The following ZNF652 variants were observed in gnomAD, a reference collection of about 807,000 sequenced individuals.
ZNF652 encodes the protein zinc finger protein 652.
Under a neutral mutation model 45.2 loss-of-function variants are expected in ZNF652, and 16 were observed. The ratio of observed to expected loss-of-function variants is 0.35; its 90% CI spans 0.24 to 0.54. The LOEUF is 0.54. Ranked by LOEUF, ZNF652 falls within the 20% of genes least tolerant of loss-of-function variation. ZNF652 has a pLI of 0.91. For missense variants in ZNF652, 614 were observed against 765.6 expected, an observed-to-expected ratio of 0.80 and a Z score of 2.34; for synonymous variants, 250 against 260.6, an observed-to-expected ratio of 0.96 and a Z score of 0.39.
At chr17:49,343,122 T>G (rs963185936) in intron 1 of ZNF652, among the ~76,000 whole-genome samples, 1 of 152,174 alleles carries the variant, frequency 6.6e-6, no homozygotes, top group African/African-American at 2.4e-5. Flanking sequence ...CCTCAAGAGA[T>G]CCACCTGCCT....
At chr17:49,354,667 T>C (rs2070316786) in intron 1 of ZNF652, among the ~76,000 whole-genome samples, 1 of 151,890 alleles carries the variant, frequency 6.6e-6, no homozygotes, top group Non-Finnish European at 1.5e-5. Context: ...TAAAACTTAT[T>C]CTAAAATCTT....
In ZNF652 at chr17:49,309,509, GA is replaced by G. The variant is rs528221593; in HGVS notation, c.1309+1802del. Among the ~76,000 whole-genome samples the G allele has an allele frequency of 4.8e-3, 634 of 132,256 alleles. 1 individual carries two copies. The highest frequency in any genetic ancestry group is 7.8e-3 in the Non-Finnish European group (480 of 61,442). 86.8% of individuals were successfully genotyped at this position (132,256 alleles called of 152,430 possible). Reference sequence around the variant, plus strand: ...GGTGACGGAGCAAGACTCCATCTCGGAAAAAAAAAAAAAGAAAGAAAACCAA... The same window carrying G: ...GGTGACGGAGCAAGACTCCATCTCGGAAAAAAAAAAAAGAAAGAAAACCAA... On this transcript the variant is annotated intron_variant, in intron 5 of 5. Transcript: ENST00000430262.
intron 1 of ZNF652, among the ~76,000 whole-genome samples, chr17:49,326,799 G>A (rs2069960613): frequency 6.6e-6 from 1 of 152,016 alleles, no homozygotes; most frequent in South Asian, 2.1e-4. Context: ...CTGTATTGGG[G>A]GCAGCAGATC....
chr17:49,312,890 TG>T (rs1567920014), intron 2 of ZNF652, 45 bp from the exon 3 acceptor site: 1 of 1,580,978 alleles, frequency 6.3e-7, no homozygotes, highest in Non-Finnish European at 8.6e-7. Flanking sequence ...GCTTACAGCA[TG>T]CCATACCAGC....
chr17:49,345,826 G>C (rs1287131806), intron 1 of ZNF652, among the ~76,000 whole-genome samples: 1 of 143,922 alleles, frequency 6.9e-6, no homozygotes, highest in Non-Finnish European at 1.5e-5. Flanking sequence ...GGGCGAAAGA[G>C]CGAGACTCCA....
At chr17:49,300,322 A>T (rs1169118853) in intron 5 of ZNF652, among the ~76,000 whole-genome samples, 3 of 152,106 alleles carry the variant, frequency 2.0e-5, no homozygotes, top group Non-Finnish European at 4.4e-5. Context: ...GGGTGTAGGG[A>T]GGGTGTTGGG....
intron 4 of ZNF652, 146 bp downstream of exon 4, chr17:49,311,781 C>T (rs967319985): frequency 4.6e-6 from 3 of 648,090 alleles, no homozygotes; most frequent in East Asian, 2.7e-5. Context: ...GCAGTGACAG[C>T]GCACACAGAG....
rs1288663006 is a variant in ZNF652, at chr17:49,289,505, G to A, written c.*8908C>T. On this transcript the variant is annotated 3_prime_UTR_variant, in exon 6 of 6. Transcript: ENST00000430262. ...CACAAGGGGGAAATCAGTACATTGA[G>A]GGATCTGACAGGATGCTGGAAAAAA... The A allele has an allele frequency of 6.6e-6, 1 of 152,220 alleles. No homozygotes were observed. The highest frequency in any genetic ancestry group is 1.5e-5 in the Non-Finnish European group (1 of 68,042). The allele number at this position is 152,220 out of a possible 1,614,324, so 9.4% of individuals were successfully genotyped here.
intron 4 of ZNF652, 62 bp from the exon 5 acceptor site, chr17:49,311,518 C>T: frequency 6.5e-7 from 1 of 1,540,340 alleles, no homozygotes; most frequent in Non-Finnish European, 8.8e-7. Flanking sequence ...TGAGCCCACC[C>T]TAACACAGTC....
intron 1 of ZNF652, among the ~76,000 whole-genome samples, chr17:49,324,363 A>C (rs1372092854): frequency 6.6e-6 from 1 of 152,078 alleles, no homozygotes. Context: ...AACCTTCTCC[A>C]TCTCAGCAAT....
At chr17:49,349,948 T>G in intron 1 of ZNF652, among the ~76,000 whole-genome samples, 1 of 152,186 alleles carries the variant, frequency 6.6e-6, no homozygotes, top group Non-Finnish European at 1.5e-5. Context: ...AGTATATATA[T>G]GTGTACAATC....
At chr17:49,360,141 T>C (rs2070377641) in intron 1 of ZNF652, among the ~76,000 whole-genome samples, 1 of 152,216 alleles carries the variant, frequency 6.6e-6, no homozygotes, top group African/African-American at 2.4e-5. Flanking sequence ...AACGAGGAAA[T>C]GATAATTTAC....
chr17:49,345,225 C>CA (rs2070192115), intron 1 of ZNF652, among the ~76,000 whole-genome samples: 1 of 138,606 alleles, frequency 7.2e-6, no homozygotes, highest in Admixed American at 7.6e-5. Flanking sequence ...TTTTTTGAGA[C>CA]AGAGTGTTGC....
In ZNF652 at chr17:49,312,761, A is replaced by G; in HGVS notation, c.985T>C (p.Phe329Leu). The G allele has an allele frequency of 6.2e-7, 1 of 1,614,142 alleles. No individual in the cohort carries two copies. The highest frequency in any genetic ancestry group is 8.5e-7 in the Non-Finnish European group (1 of 1,180,014). The change falls in exon 3 of 6, where the codon TTT becomes CTT. Residue 329 changes from phenylalanine (F) to leucine (L), a missense_variant. By Grantham distance (22) the Phe-to-Leu change is conservative. This residue lies in a region of ZNF652 where 262 missense variants were observed against 306.3 expected (regional missense o/e 0.86). Transcript: ENST00000430262. ...TTCTTCTCACAAATTTCACAGGAAAATTTCTTTTCTGCATATCCATGGACG... is the reference window on the plus strand; with the variant it reads ...TTCTTCTCACAAATTTCACAGGAAAGTTTCTTTTCTGCATATCCATGGACG... Reference protein sequence around the residue: ...KIVHGYAEKKFSCEICEKKFY... With the variant: ...KIVHGYAEKKLSCEICEKKFY...
At chr17:49,301,987 C>T (rs1213438001) in intron 5 of ZNF652, among the ~76,000 whole-genome samples, 1 of 152,034 alleles carries the variant, frequency 6.6e-6, no homozygotes, top group Non-Finnish European at 1.5e-5. Flanking sequence ...TGAGGTGGCT[C>T]ACACCTGGAA....
intron 1 of ZNF652, among the ~76,000 whole-genome samples, chr17:49,360,513 C>G (rs895028274): frequency 1.2e-4 from 19 of 152,096 alleles, no homozygotes; most frequent in Admixed American, 2.6e-4. Flanking sequence ...AAGGTATTAC[C>G]TATCTGAATA....
intron 1 of ZNF652, among the ~76,000 whole-genome samples, chr17:49,354,581 A>G (rs895505193): frequency 4.7e-5 from 7 of 149,126 alleles, no homozygotes; most frequent in Non-Finnish European, 7.4e-5. Flanking sequence ...ACTGCACCTC[A>G]GCCTGGGCAT....
chr17:49,323,179 C>T (rs1046920840), intron 1 of ZNF652, among the ~76,000 whole-genome samples: 6 of 152,228 alleles, frequency 3.9e-5, no homozygotes, highest in Non-Finnish European at 7.3e-5. Flanking sequence ...TCCTCTCAAA[C>T]CCAGCCACTG....
Position 49,351,014 on chromosome 17 carries a change from TACACACACACACACACACACACACAC to T in ZNF652, c.-259+10869_-259+10894del, listed in dbSNP as rs370792940. On this transcript the variant is annotated intron_variant, in intron 1 of 5. Coordinates refer to ENST00000430262, the MANE Select transcript of ZNF652 (RefSeq NM_001145365.3). ...ATATATATATATATATATATATATA[TACACACACACACACACACACACACAC>T]ACACACACACACACATATTTTTATA... 6.1e-3 allele frequency among the ~76,000 whole-genome samples: 181 copies of T among 29,714 alleles called. 4 individuals are homozygous for T. The highest frequency in any genetic ancestry group is 0.019 in the African/African-American group (167 of 8,946). 19.5% of individuals were successfully genotyped at this position (29,714 alleles called of 152,430 possible). A position where few individuals can be genotyped will look rare whatever the true frequency, so the allele number is the denominator to read the frequency against.
Sources: allele counts gnomAD v4.1 joint callset (sites outside exome capture counted in the v4.1 genomes callset), GRCh38; gene constraint gnomAD v4.1.1; regional missense constraint gnomAD v4.1.1; transcripts MANE v1.5; gene names NCBI Gene and HGNC (gene_info 2026-07-23, HGNC 2026-07-21).